Variants in KIAA0753 observed in about 807,000 individuals in gnomAD.
The protein encoded by KIAA0753 is protein moonraker.
A neutral mutation model predicts 116.9 loss-of-function variants in KIAA0753; 114 were observed. That is an observed-to-expected ratio of 0.98 (90% CI 0.84 to 1.14). KIAA0753 has a LOEUF of 1.14. Ranked by LOEUF, KIAA0753 falls within the 50% of genes most tolerant of loss-of-function variation. The pLI is 0.00. For synonymous variants in KIAA0753, 405 were observed against 413.1 expected (o/e 0.98, Z 0.24); for missense variants, 1,156 against 1,172.4 (o/e 0.99, Z 0.20).
Position 6,590,613 on chromosome 17 carries a change from T to C in KIAA0753, c.2458A>G (p.Ile820Val), listed in dbSNP as rs1008499971. 6.2e-7 allele frequency: 1 copy of C among 1,613,806 alleles called. No individual in the cohort carries two copies. Among genetic ancestry groups the C allele is most frequent in the Non-Finnish European group, 8.5e-7 (1 of 1,179,776 alleles). Residue 820 changes from isoleucine (I) to valine (V), a missense_variant, in exon 17 of 19, where the codon ATA (isoleucine) becomes GTA (valine). Ile to Val is a conservative substitution (Grantham distance 29). Transcript: ENST00000361413. ...TGAGGAGATAGAGGCTTTTCACTTATTGCTGAGATTTTTTGGTCTAGAAAA... is the reference window on the plus strand; with the variant it reads ...TGAGGAGATAGAGGCTTTTCACTTACTGCTGAGATTTTTTGGTCTAGAAAA... Reference protein sequence around the residue: ...EENNDQKISAISEKPLSPHPI... With the variant: ...EENNDQKISAVSEKPLSPHPI...
rs549110940 is a variant in KIAA0753, at chr17:6,587,032, C to T, written c.2786+2747G>A. Reference sequence around the variant, plus strand: ...GGTGGATCACCTGAGGTTATGAGTTCGAGACCAGCCTGGCCAACATGGTGA... The same window carrying T: ...GGTGGATCACCTGAGGTTATGAGTTTGAGACCAGCCTGGCCAACATGGTGA... On this transcript the variant is annotated intron_variant, in intron 18 of 18. Transcript: ENST00000361413. 5.3e-5 allele frequency among the ~76,000 whole-genome samples: 8 copies of T among 152,118 alleles called. No individual in the cohort carries two copies. The South Asian group carries it at 1.7e-3, about 32-fold the overall frequency.
chr17:6,595,437 C>A (rs575158670), intron 15 of KIAA0753, among the ~76,000 whole-genome samples: 1 of 152,234 alleles, frequency 6.6e-6, no homozygotes, highest in African/African-American at 2.4e-5. Context: ...ACAACTATCA[C>A]CAAGGGGAGA....
rs1969355369 is a variant in KIAA0753, at chr17:6,594,920, T to C, written c.2440+52A>G. ...ACAATTTTTTCAATTTTCTGTATGT[T>C]TGAAATTCTTCAGAATAAAATGTTA... On this transcript the variant is annotated intron_variant, in intron 16 of 18. Coordinates refer to ENST00000361413, the MANE Select transcript of KIAA0753 (RefSeq NM_014804.3). The C allele has an allele frequency of 4.2e-6, 6 of 1,411,984 alleles. No homozygotes were observed. The Admixed American group carries it at 7.4e-5, about 17-fold the overall frequency. 87.5% of individuals were successfully genotyped at this position (1,411,984 alleles called of 1,614,324 possible).
chr17:6,589,663 C>T (rs1968842258), intron 18 of KIAA0753, 116 bp downstream of exon 18: 1 of 690,678 alleles, frequency 1.4e-6, no homozygotes, highest in Non-Finnish European at 2.3e-6. Context: ...ACCACTGAAA[C>T]TCCAGGGCCC....
intron 7 of KIAA0753, among the ~76,000 whole-genome samples, chr17:6,612,885 A>C (rs1206630776): frequency 6.6e-6 from 1 of 152,140 alleles, no homozygotes; most frequent in Non-Finnish European, 1.5e-5. Context: ...AATAAAAATA[A>C]ATACATACAT....
intron 1 of KIAA0753, chr17:6,638,368 A>ACAGGACCAGACGCCCACT (rs1333241144): frequency 2.0e-5 from 3 of 152,830 alleles, no homozygotes; most frequent in South Asian, 2.0e-4. Context: ...AGACGCCCAC[A>ACAGGACCAGACGCCCACT]CAGCAGCAGG....
intron 7 of KIAA0753, 25 bp from the exon 8 acceptor site, chr17:6,612,173 A>G (rs1349091957): frequency 2.6e-6 from 4 of 1,527,554 alleles, no homozygotes; most frequent in African/African-American, 2.8e-5. Flanking sequence ...TTGAAAAACA[A>G]ACTGAGGAAA....
chr17:6,594,436 CTA>C lies in KIAA0753; in HGVS notation c.2440+534_2440+535del, dbSNP rs147092388. Among the ~76,000 whole-genome samples, 466 of 152,216 alleles carry C rather than the reference CTA, an allele frequency of 3.1e-3. 5 individuals carry two copies. Among genetic ancestry groups the C allele is most frequent in the African/African-American group, 0.011 (452 of 41,530 alleles). On this transcript the variant is annotated intron_variant, in intron 16 of 18. Transcript: ENST00000361413. ...ACATAAATATAGTATTTATAAAACA[CTA>C]TGGTGAATGAAAGAAGTCTAGGCAA...
rs753856854 is a variant in KIAA0753, at chr17:6,589,745, G to A, written c.2786+34C>T. On this transcript the variant is annotated intron_variant, in intron 18 of 18. Coordinates refer to ENST00000361413, the MANE Select transcript of KIAA0753 (RefSeq NM_014804.3). ...TCTAAGTCTAAAATTTTGCAATTTGGTTCCTAAACAGAGGACCGTAACATT... is the reference window on the plus strand; with the variant it reads ...TCTAAGTCTAAAATTTTGCAATTTGATTCCTAAACAGAGGACCGTAACATT... The A allele has an allele frequency of 8.4e-6, 13 of 1,543,362 alleles. No individual in the cohort carries two copies. In the South Asian group the frequency reaches 1.5e-4, roughly 18 times the overall value.
chr17:6,592,232 C>G (rs149439809), intron 16 of KIAA0753, among the ~76,000 whole-genome samples: 2 of 152,150 alleles, frequency 1.3e-5, no homozygotes, highest in African/African-American at 4.8e-5. Context: ...GTTGAGATGG[C>G]CCATCTTTTG....
intron 12 of KIAA0753, among the ~76,000 whole-genome samples, chr17:6,606,524 T>A (rs915930941): frequency 1.4e-4 from 22 of 152,214 alleles, no homozygotes; most frequent in African/African-American, 5.3e-4. Flanking sequence ...TTGATTCACA[T>A]GAGCAGAACA....
At chr17:6,601,852 T>C (rs1302602658) in intron 12 of KIAA0753, among the ~76,000 whole-genome samples, 2 of 152,154 alleles carry the variant, frequency 1.3e-5, no homozygotes, top group Admixed American at 6.5e-5. Context: ...AAAGACACCA[T>C]TACAAAGATC....
chr17:6,589,345 A>C (rs560173237), intron 18 of KIAA0753, among the ~76,000 whole-genome samples: 16 of 152,326 alleles, frequency 1.1e-4, no homozygotes, highest in Middle Eastern at 3.4e-3. Context: ...ACAGACACTC[A>C]ATCTGCCATC....
chr17:6,634,775 T>C (rs751958089), intron 2 of KIAA0753: 2 of 449,860 alleles, frequency 4.4e-6, no homozygotes, highest in Non-Finnish European at 8.2e-6. Flanking sequence ...GTAGGAGAGT[T>C]CATTTTTAGG....
chr17:6,584,638 C>A (rs902692618), intron 18 of KIAA0753, among the ~76,000 whole-genome samples: 4 of 152,142 alleles, frequency 2.6e-5, no homozygotes, highest in African/African-American at 9.7e-5. Flanking sequence ...TCCCACTACT[C>A]TAATCTGGAT....
At position 6,623,002 on chromosome 17, in the gene KIAA0753, T is replaced by A. The variant is rs778004539; in HGVS notation, c.984A>T (p.Pro328=). The change falls in exon 6 of 19, where the codon CCA becomes CCT. Residue 328 remains proline, a synonymous_variant. Coordinates refer to ENST00000361413, the MANE Select transcript of KIAA0753 (RefSeq NM_014804.3). ...VTQFTDRGEH[P]LPARCKELGS... ...CCAGTTCCTTACACCGAGCAGGAAG[T>A]GGATGCTCCCCTCGGTCAGTAAACT... 1 of 1,614,166 alleles carries A rather than the reference T, an allele frequency of 6.2e-7. No homozygotes were observed. The highest frequency in any genetic ancestry group is 8.5e-7 in the Non-Finnish European group (1 of 1,180,016).
At chr17:6,586,199 C>T (rs961676266) in intron 18 of KIAA0753, among the ~76,000 whole-genome samples, 3 of 152,174 alleles carry the variant, frequency 2.0e-5, no homozygotes, top group East Asian at 1.9e-4. Flanking sequence ...CATGACGGTA[C>T]GTTTCCTGAG....
intron 12 of KIAA0753, among the ~76,000 whole-genome samples, chr17:6,601,258 C>T (rs1436417740): frequency 6.6e-6 from 1 of 152,202 alleles, no homozygotes; most frequent in African/African-American, 2.4e-5. Flanking sequence ...CACAACTATA[C>T]AGCCGCCTCT....
intron 16 of KIAA0753, among the ~76,000 whole-genome samples, chr17:6,593,273 T>C (rs1254616112): frequency 6.6e-6 from 1 of 151,374 alleles, no homozygotes; most frequent in East Asian, 1.9e-4. Context: ...ACGGGGCTCA[T>C]GCCTGTAACT....
Sources: gnomAD v4.1 joint callset for allele counts (sites outside exome capture counted in the v4.1 genomes callset) on GRCh38, gnomAD v4.1.1 for gene constraint, MANE v1.5 for transcripts, NCBI Gene and HGNC (gene_info 2026-07-23, HGNC 2026-07-21) for gene names.